The following INPPL1 variants were observed in gnomAD, a reference collection of about 807,000 sequenced individuals.
INPPL1 encodes phosphatidylinositol 3,4,5-trisphosphate 5-phosphatase 2.
A neutral mutation model predicts 139.3 loss-of-function variants in INPPL1; 91 were observed. The ratio of observed to expected loss-of-function variants is 0.65; its 90% confidence interval spans 0.55 to 0.78. The LOEUF is 0.78. Among genes scored for constraint, INPPL1 ranks in the 30% least tolerant of loss-of-function variants. The probability of loss-of-function intolerance (pLI) is 0.00; values close to 1 mark genes in which losing one functional copy is unlikely to be tolerated. For missense variants in INPPL1, 1,411 were observed against 1,665.6 expected, an observed-to-expected ratio of 0.85 and a Z score of 2.66; for synonymous variants, 719 against 686.6, an observed-to-expected ratio of 1.05 and a Z score of -0.74.
At chr11:72,227,109 T>C (rs1327824536) in intron 1 of INPPL1, among the ~76,000 whole-genome samples, 1 of 152,182 alleles carries the variant, frequency 6.6e-6, no homozygotes, top group Non-Finnish European at 1.5e-5. Flanking sequence ...CGGGTGTTCA[T>C]GGATAACATG....
rs1198396649 is a variant in INPPL1, at chr11:72,230,975, C to T, written c.1301-18C>T. 6.2e-7 allele frequency: 1 copy of T among 1,611,958 alleles called. No homozygotes were observed. The highest frequency in any genetic ancestry group is 1.7e-5 in the Admixed American group (1 of 59,902). On this transcript the variant is annotated intron_variant, in intron 11 of 27. Transcript: ENST00000298229. ...GTGCCTAACCCCTCCAGACCCACCT[C>T]ACCCCCTTCACCTCCAGGAAGTGTA...
intron 6 of INPPL1, 42 bp downstream of exon 6, chr11:72,229,600 G>T (rs1236618493): frequency 6.2e-7 from 1 of 1,612,206 alleles, no homozygotes; most frequent in South Asian, 1.1e-5. Context: ...TTCGTGTTCT[G>T]GAGCTGGGTG....
At chr11:72,224,553 T>G (rs1365109035), upstream of INPPL1, among the ~76,000 whole-genome samples, 3 of 148,712 alleles carry the variant, frequency 2.0e-5, no homozygotes, top group Admixed American at 2.0e-4. Flanking sequence ...CGATGGGGAT[T>G]TGGGGACTGG....
Position 72,234,249 on chromosome 11 carries a change from C to T in INPPL1, c.2213-32C>T, listed in dbSNP as rs1233089416. On this transcript the variant is annotated intron_variant, in intron 19 of 27. Transcript: ENST00000298229. The surrounding 1 kb of genome is among the most constrained non-coding windows in gnomAD (Gnocchi z 4.2). ...CCATTCCTCCTGTGATCCTCTCAGTCCTCCTGTTTGTTCTCCTCCCTTTCT... is the reference window on the plus strand; with the variant it reads ...CCATTCCTCCTGTGATCCTCTCAGTTCTCCTGTTTGTTCTCCTCCCTTTCT... 1.3e-6 allele frequency: 2 copies of T among 1,483,262 alleles called. No homozygotes were observed. Among genetic ancestry groups the T allele is most frequent in the Non-Finnish European group, 1.9e-6 (2 of 1,061,570 alleles). The allele number at this position is 1,483,262 out of a possible 1,614,324, so 91.9% of individuals were successfully genotyped here.
In INPPL1 at chr11:72,237,508, A is replaced by G. The variant is rs773743308; in HGVS notation, c.3264A>G (p.Pro1088=). ...RGRGGAEARG[P]PPPKAHPRPP... ...GTGGTGGGGCTGAGGCCCGTGGCCC[A>G]CCACCTCCCAAGGCCCATCCAAGGC... The change falls in exon 26 of 28, where the codon CCA becomes CCG. Residue 1088 remains proline (P), a synonymous_variant. Transcript: ENST00000298229. 2 of 1,608,808 alleles carry G rather than the reference A, an allele frequency of 1.2e-6. No individual in the cohort carries two copies. Among genetic ancestry groups the G allele is most frequent in the African/African-American group, 1.3e-5 (1 of 74,918 alleles).
At position 72,233,533 on chromosome 11, in the gene INPPL1, C is replaced by A. The variant is rs781442008; in HGVS notation, c.2122+11C>A. 7.4e-6 allele frequency: 12 copies of A among 1,613,456 alleles called. No individual in the cohort carries two copies. The African/African-American group carries it at 1.6e-4, about 22-fold the overall frequency. On this transcript the variant is annotated intron_variant, in intron 18 of 27. Transcript: ENST00000298229. ...TCTGCAATTCTTATGGTCAGAGCCT[C>A]CCGGACAGAGTGATGGGAGATCTGG...
At position 72,234,887 on chromosome 11, in the gene INPPL1, T is replaced by C. The variant is rs1006573635; in HGVS notation, c.2416-229T>C. Among the ~76,000 whole-genome samples the C allele has an allele frequency of 6.6e-6, 1 of 152,064 alleles. No individual in the cohort carries two copies. The highest frequency in any genetic ancestry group is 1.5e-5 in the Non-Finnish European group (1 of 68,002). ...AGCTTTTGCTAGATGTCAGGTCCTG[T>C]GTTAGCTATTGAGAAAATTAATTAG... On this transcript the variant is annotated intron_variant, in intron 21 of 27. Transcript: ENST00000298229. The surrounding 1 kb of genome is among the most constrained non-coding windows in gnomAD (Gnocchi z 4.2).
intron 1 of INPPL1, 54 bp downstream of exon 1, chr11:72,225,220 G>C: frequency 8.1e-7 from 1 of 1,227,066 alleles, no homozygotes; most frequent in Non-Finnish European, 1.0e-6. Context: ...GCGCGGGCAC[G>C]GCCGGGTGTG....
Position 72,237,665 on chromosome 11 carries a change from G to A in INPPL1, c.3421G>A (p.Ala1141Thr), listed in dbSNP as rs371084058. The change falls in exon 26 of 28, where the codon GCA becomes ACA. Residue 1141 changes from alanine (A) to threonine (T), a missense_variant. Physicochemically the swap from Ala to Thr is moderately conservative, Grantham distance 58. This residue lies in a region of INPPL1 where 438 missense variants were observed against 425.7 expected (regional missense o/e 1.03). Coordinates refer to ENST00000298229, the MANE Select transcript of INPPL1 (RefSeq NM_001567.4). ...SEVDYAPAGP[A>T]RSALLPGPLE... is the part of the protein sequence containing the mutation. The stretch of plus-strand genomic sequence containing the variant: ...GGTGGACTATGCCCCTGCTGGGCCT[G>A]CACGCTCAGCGCTCCTCCCAGGCCC... The A allele has an allele frequency of 3.1e-6, 5 of 1,611,526 alleles. No homozygotes were observed. The highest frequency in any genetic ancestry group is 2.7e-5 in the African/African-American group (2 of 74,928).
chr11:72,233,693 G>C lies in INPPL1; in HGVS notation c.2161G>C (p.Val721Leu). 6 of 1,614,058 alleles carry C rather than the reference G, an allele frequency of 3.7e-6. No individual in the cohort carries two copies. Among genetic ancestry groups the C allele is most frequent in the Non-Finnish European group, 5.1e-6 (6 of 1,180,016 alleles). Residue 721 changes from valine (V) to leucine (L), a missense_variant, in exon 19 of 28, where the codon GTG (valine) becomes CTG (leucine). Transcript: ENST00000298229. Reference protein sequence around the residue: ...DDIVTSDHSPVFGTFEVGVTS... With the variant: ...DDIVTSDHSPLFGTFEVGVTS... ...CATCGTCACCAGCGACCATTCCCCC[G>C]TGTTTGGGACATTTGAGGTTGGAGT...
intron 19 of INPPL1, 126 bp downstream of exon 19, chr11:72,233,870 G>GTGTTTCTCAAGGTGTGA: frequency 1.3e-6 from 1 of 761,354 alleles, no homozygotes; most frequent in Non-Finnish European, 2.3e-6. Context: ...GAGTGCAGGA[G>GTGTTTCTCAAGGTGTGA]TGTTTCTCAA....
At chr11:72,236,877 A>G (rs1250607659) in intron 25 of INPPL1, among the ~76,000 whole-genome samples, 1 of 152,202 alleles carries the variant, frequency 6.6e-6, no homozygotes, top group African/African-American at 2.4e-5. Context: ...AGCTACAGAT[A>G]AAGTCATGAA....
At chr11:72,227,931 C>G (rs2135420910) in intron 1 of INPPL1, 1 of 526,118 alleles carries the variant, frequency 1.9e-6, no homozygotes, top group African/African-American at 1.9e-5. Flanking sequence ...TTCTCAGGCC[C>G]TGCCCTGTGG....
chr11:72,225,643 C>T (rs1215022173), intron 1 of INPPL1: 1 of 507,082 alleles, frequency 2.0e-6, no homozygotes, highest in East Asian at 1.5e-4. Flanking sequence ...TCTGCCTGGC[C>T]GTGTATGGGT....
chr11:72,232,045 CA>C (rs1948849206), intron 13 of INPPL1, among the ~76,000 whole-genome samples, 194 bp from the exon 14 acceptor site: 1 of 152,280 alleles, frequency 6.6e-6, no homozygotes, highest in East Asian at 1.9e-4. Flanking sequence ...AGGCCATCCA[CA>C]CAGACCATGT....
rs373473641 is a variant in INPPL1 at position 72,234,283 on chromosome 11, C to T, written c.2215C>T (p.Leu739Phe). The T allele has an allele frequency of 3.1e-6, 5 of 1,610,976 alleles. No homozygotes were observed. The highest frequency in any genetic ancestry group is 4.2e-6 in the Non-Finnish European group (5 of 1,177,334). The change falls in exon 20 of 28, where the codon CTC becomes TTC. Residue 739 changes from leucine (L) to phenylalanine (F), a missense_variant and splice_region_variant. Around this residue, in one of 5 missense-constraint regions of INPPL1, gnomAD observed 363 missense variants for 446.2 expected, o/e 0.81. Coordinates refer to ENST00000298229, the MANE Select transcript of INPPL1 (RefSeq NM_001567.4). The surrounding 1 kb of genome is among the most constrained non-coding windows in gnomAD (Gnocchi z 4.2). ...TGTTCTCCTCCCTTTCTCCTCAGGG[C>T]TCTCAAAGACTTCAGACCAGGCCTA... Reference protein sequence around the residue: ...VTSQFISKKGLSKTSDQAYIE... With the variant: ...VTSQFISKKGFSKTSDQAYIE...
At chr11:72,230,658 T>C (rs1258942038) in intron 10 of INPPL1, 138 bp from the exon 11 acceptor site, 16 of 847,404 alleles carry the variant, frequency 1.9e-5, no homozygotes, top group Admixed American at 1.1e-4. Context: ...AGCACTGTTA[T>C]ATGCTTGAGC....
chr11:72,235,820 A>G lies in INPPL1; in HGVS notation c.2739-26A>G, dbSNP rs1948972850. The G allele has an allele frequency of 3.7e-6, 6 of 1,612,872 alleles. No homozygotes were observed. Among genetic ancestry groups the G allele is most frequent in the East Asian group, 2.2e-5 (1 of 44,878 alleles). ...GGGGGCATCTGGTCAACCCCACTTCATCTCTCTCCTGTGCATCCCTGGCAG... is the reference window on the plus strand; with the variant it reads ...GGGGGCATCTGGTCAACCCCACTTCGTCTCTCTCCTGTGCATCCCTGGCAG... On this transcript the variant is annotated intron_variant, in intron 24 of 27. Coordinates refer to ENST00000298229, the MANE Select transcript of INPPL1 (RefSeq NM_001567.4). This position sits in a 1 kb window ranked among gnomAD's most constrained non-coding sequence, Gnocchi z 4.9.
upstream of INPPL1, among the ~76,000 whole-genome samples, chr11:72,224,201 G>C (rs1948598959): frequency 1.3e-5 from 2 of 152,052 alleles, no homozygotes; most frequent in South Asian, 4.1e-4. Context: ...ATCTTCAGAA[G>C]CCTGGTTAGC....
Sources: allele counts gnomAD v4.1 joint callset (sites outside exome capture counted in the v4.1 genomes callset), GRCh38; gene constraint gnomAD v4.1.1; regional missense constraint gnomAD v4.1.1; non-coding constraint Gnocchi (gnomAD v3.1); transcripts MANE v1.5; gene names NCBI Gene and HGNC (gene_info 2026-07-23, HGNC 2026-07-21).